PCM1: variants seen among roughly 807,000 people sequenced by gnomAD.
PCM1 encodes pericentriolar material 1 protein.
A neutral mutation model predicts 241.9 loss-of-function variants in PCM1; 157 were observed. The ratio of observed to expected loss-of-function variants is 0.65; its 90% confidence interval spans 0.57 to 0.74. The LOEUF (loss-of-function observed/expected upper bound fraction) is 0.74. Ranked by LOEUF, PCM1 falls within the 30% of genes least tolerant of loss-of-function variation. The probability of loss-of-function intolerance (pLI) is 0.00; values close to 1 mark genes in which losing one functional copy is unlikely to be tolerated. For synonymous variants in PCM1, 1,085 were observed against 784.9 expected, an observed-to-expected ratio of 1.38 and a Z score of -6.39; for missense variants, 3,478 against 2,360.1, an observed-to-expected ratio of 1.47 and a Z score of -9.81.
At chr8:17,940,118 C>T (rs558366330) in intron 6 of PCM1, 34 of 1,570,216 alleles carry the variant, frequency 2.2e-5, no homozygotes, top group East Asian at 1.8e-4. Context: ...GAGAGCACAT[C>T]GCTAAACATA....
intron 6 of PCM1, among the ~76,000 whole-genome samples, chr8:17,942,484 T>C (rs562795206): frequency 6.6e-6 from 1 of 151,996 alleles, no homozygotes; most frequent in African/African-American, 2.4e-5. Context: ...TAAAAATAAA[T>C]AAATTTAGAT....
intron 9 of PCM1, among the ~76,000 whole-genome samples, chr8:17,954,027 ATATTCCTGTCCTAAAACATACTCCT>A (rs2067072351): frequency 6.6e-6 from 1 of 152,040 alleles, no homozygotes; most frequent in South Asian, 2.1e-4. Context: ...AAGAACCTTA[ATATTCCTGTCCTAAAACATACTCCT>A]TTCTTTTCTC....
chr8:18,002,871 T>G (rs2090079581), intron 29 of PCM1, among the ~76,000 whole-genome samples: 1 of 120,940 alleles, frequency 8.3e-6, no homozygotes, highest in African/African-American at 5.9e-5. Flanking sequence ...CATAAATGTC[T>G]TCTTTTGAGA....
chr8:17,940,886 A>C, intron 6 of PCM1, among the ~76,000 whole-genome samples: 1 of 152,258 alleles, frequency 6.6e-6, no homozygotes, highest in East Asian at 1.9e-4. Context: ...TTTAACACCT[A>C]TTACAGGCTA....
chr8:17,967,510 G>T (rs2075350157), intron 21 of PCM1, among the ~76,000 whole-genome samples: 1 of 151,934 alleles, frequency 6.6e-6, no homozygotes, highest in Non-Finnish European at 1.5e-5. Context: ...GTTTCTCCAT[G>T]TTGGTCAGGC....
chr8:17,961,794 A>G (rs975832042), intron 15 of PCM1, among the ~76,000 whole-genome samples: 11 of 151,994 alleles, frequency 7.2e-5, no homozygotes, highest in Non-Finnish European at 1.0e-4. Context: ...AAAATTTTCC[A>G]TTATGTTTTA....
chr8:17,938,717 T>G (rs2285301), intron 4 of PCM1, 23 bp from the exon 5 acceptor site: 1 of 1,583,750 alleles, frequency 6.3e-7, no homozygotes, highest in Non-Finnish European at 8.7e-7. Flanking sequence ...GTTTGTGTGA[T>G]TTGATTTCTT....
intron 11 of PCM1, 95 bp from the exon 12 acceptor site, chr8:17,957,169 T>G: frequency 3.2e-6 from 3 of 931,808 alleles, no homozygotes; most frequent in South Asian, 1.9e-5. Flanking sequence ...ACAATGTGCT[T>G]GGTTTGGTGT....
rs2094322746 is a variant in PCM1 at position 18,027,519 on chromosome 8, T to C, written c.6050-118T>C. ...TAGGGAATTGTATTAGCAAGCTAAT[T>C]TAGGATTTCTTTTATAATAACGTTA... On this transcript the variant is annotated intron_variant, in intron 38 of 38. Coordinates refer to ENST00000325083, the MANE Select transcript of PCM1 (RefSeq NM_006197.4). The C allele has an allele frequency of 4.8e-6, 3 of 627,870 alleles. No individual in the cohort carries two copies. In the East Asian group the frequency reaches 8.5e-5, roughly 18 times the overall value. 38.9% of individuals were successfully genotyped at this position (627,870 alleles called of 1,614,324 possible). A position where few individuals can be genotyped will look rare whatever the true frequency, so the allele number is the denominator to read the frequency against.
chr8:17,932,922 C>G (rs997249301), intron 2 of PCM1, among the ~76,000 whole-genome samples: 1 of 152,098 alleles, frequency 6.6e-6, no homozygotes, highest in Non-Finnish European at 1.5e-5. Flanking sequence ...TGTGAATTAA[C>G]TTTTTTTCTG....
Position 17,980,769 on chromosome 8 carries a change from T to C in PCM1, c.4108+14T>C. 6.3e-7 allele frequency: 1 copy of C among 1,585,482 alleles called. No homozygotes were observed. Among genetic ancestry groups the C allele is most frequent in the Admixed American group, 1.7e-5 (1 of 58,456 alleles). ...AAATATCTTCAGGTATGTTCTTTTT[T>C]GGTTTGCATTAATATAAGGAGGTTT... On this transcript the variant is annotated intron_variant, in intron 24 of 38. Coordinates refer to ENST00000325083, the MANE Select transcript of PCM1 (RefSeq NM_006197.4).
At chr8:17,981,431 C>G (rs1020574518) in intron 24 of PCM1, among the ~76,000 whole-genome samples, 1 of 152,098 alleles carries the variant, frequency 6.6e-6, no homozygotes, top group African/African-American at 2.4e-5. Flanking sequence ...GCCTTAATCA[C>G]ATTATTATAG....
chr8:17,995,039 C>A (rs2086172939), intron 29 of PCM1, among the ~76,000 whole-genome samples: 1 of 151,344 alleles, frequency 6.6e-6, no homozygotes, highest in Non-Finnish European at 1.5e-5. Flanking sequence ...GATGTGATCC[C>A]ATTTGTCTGC....
chr8:18,009,106 A>G (rs1031521838), intron 30 of PCM1, among the ~76,000 whole-genome samples: 2 of 151,720 alleles, frequency 1.3e-5, no homozygotes, highest in African/African-American at 4.9e-5. Context: ...TTTTGAAGAA[A>G]AATTTAAATT....
At chr8:17,944,364 C>T (rs1344040645) in intron 6 of PCM1, among the ~76,000 whole-genome samples, 2 of 152,066 alleles carry the variant, frequency 1.3e-5, no homozygotes, top group South Asian at 2.1e-4. Flanking sequence ...CTTATAGTTC[C>T]TCAACCTTCA....
chr8:18,025,602 T>A lies in PCM1; in HGVS notation c.5993T>A (p.Ile1998Lys). Residue 1998 changes from isoleucine (I) to lysine (K), a missense_variant, in exon 38 of 39, where the codon ATA becomes AAA. By Grantham distance (102) the Ile-to-Lys change is moderately radical. Coordinates refer to ENST00000325083, the MANE Select transcript of PCM1 (RefSeq NM_006197.4). ...EEQKNHLSGEICEMQTEELAG... is the reference protein window; with the variant it reads ...EEQKNHLSGEKCEMQTEELAG... ...CAGAAAAACCATTTATCTGGTGAAA[T>A]ATGTGAAATGCAGACCGAAGAATTA... The A allele has an allele frequency of 1.3e-6, 2 of 1,585,094 alleles. No homozygotes were observed. Among genetic ancestry groups the A allele is most frequent in the South Asian group, 1.2e-5 (1 of 86,134 alleles).
chr8:17,966,001 G>A lies in PCM1; in HGVS notation c.2858G>A (p.Trp953Ter). Reference sequence around the variant, plus strand: ...TAATGCTTTCAATCTTGTGTTAGGTGGAAGAACAATTGCCCTTTTTCGGCA... The same window carrying A: ...TAATGCTTTCAATCTTGTGTTAGGTAGAAGAACAATTGCCCTTTTTCGGCA... ...SYNGKETKNRWKNNCPFSADE... is the reference protein window; with the variant it reads ...SYNGKETKNR The change falls in exon 19 of 39, where the codon TGG (tryptophan) becomes TAG (stop). Residue 953 changes from tryptophan to a stop codon, truncating the protein, a stop_gained and splice_region_variant. Coordinates refer to ENST00000325083, the MANE Select transcript of PCM1 (RefSeq NM_006197.4). LOFTEE classifies it high-confidence loss of function. 1 of 1,607,116 alleles carries A rather than the reference G, an allele frequency of 6.2e-7. No homozygotes were observed. The highest frequency in any genetic ancestry group is 1.1e-5 in the South Asian group (1 of 90,024).
intron 36 of PCM1, among the ~76,000 whole-genome samples, chr8:18,018,852 G>GTATATATA (rs71519940): frequency 7.4e-5 from 4 of 53,712 alleles, no homozygotes; most frequent in East Asian, 7.1e-4. Flanking sequence ...GTGTGTGTGT[G>GTATATATA]TATATATATA....
intron 29 of PCM1, among the ~76,000 whole-genome samples, chr8:18,002,072 T>C (rs1236855666): frequency 7.2e-5 from 5 of 69,072 alleles, no homozygotes; most frequent in Admixed American, 6.8e-4. Flanking sequence ...TTCTTTTTTT[T>C]TTTTTCTTTT....
Sources: gnomAD v4.1 joint callset for allele counts (sites outside exome capture counted in the v4.1 genomes callset) on GRCh38, gnomAD v4.1.1 for gene constraint, MANE v1.5 for transcripts, NCBI Gene and HGNC (gene_info 2026-07-23, HGNC 2026-07-21) for gene names.